The following CPQ variants were observed in gnomAD, a reference collection of about 807,000 sequenced individuals.
CPQ encodes the protein carboxypeptidase Q, also known as Ser-Met dipeptidase.
In CPQ, 37 loss-of-function variants were observed where a neutral mutation model predicts 45.7. The ratio of observed to expected loss-of-function variants is 0.81; its 90% CI spans 0.62 to 1.07. CPQ has a LOEUF of 1.07. Ranked by LOEUF, CPQ falls within the 50% of genes least tolerant of loss-of-function variation. The pLI is 0.00. For missense variants in CPQ, 537 were observed against 572.9 expected (o/e 0.94, Z 0.64); for synonymous variants, 186 against 205.8 (o/e 0.90, Z 0.82).
At chr8:96,880,546 T>TC (rs1563519759) in intron 4 of CPQ, among the ~76,000 whole-genome samples, 1 of 24,136 alleles carries the variant, frequency 4.1e-5, no homozygotes, top group South Asian at 1.9e-3. Context: ...TATATATATA[T>TC]ATATATATAT....
At position 97,026,372 on chromosome 8, in the gene CPQ, G is replaced by A. The variant is rs183230885; in HGVS notation, c.962-3031G>A. Among the ~76,000 whole-genome samples the A allele has an allele frequency of 8.5e-5, 13 of 152,264 alleles. No individual in the cohort carries two copies. In the East Asian group the frequency reaches 2.1e-3, roughly 25 times the overall value. On this transcript the variant is annotated intron_variant, in intron 5 of 7. Coordinates refer to ENST00000220763, the MANE Select transcript of CPQ (RefSeq NM_016134.4). Reference sequence around the variant, plus strand: ...GTATTATAATTAATCTAATCTCACAGAGCCAGAAGTGGCAGAGCCAGGAGT... The same window carrying A: ...GTATTATAATTAATCTAATCTCACAAAGCCAGAAGTGGCAGAGCCAGGAGT...
At chr8:96,920,604 C>T (rs1424394535) in intron 4 of CPQ, among the ~76,000 whole-genome samples, 1 of 151,994 alleles carries the variant, frequency 6.6e-6, no homozygotes, top group African/African-American at 2.4e-5. Flanking sequence ...TCACACATAC[C>T]CTAACCCCTA....
Position 96,879,822 on chromosome 8 carries a change from C to T in CPQ, c.666C>T (p.Tyr222=), listed in dbSNP as rs575515198. 6.2e-7 allele frequency: 1 copy of T among 1,613,964 alleles called. No individual in the cohort carries two copies. Among genetic ancestry groups the T allele is most frequent in the African/African-American group, 1.3e-5 (1 of 75,022 alleles). ...IYSPHTGIQE[Y]QDGVPKIPTA... The stretch of plus-strand genomic sequence containing the variant: ...GTCCTCACACAGGTATTCAGGAATA[C>T]CAGGATGGCGTGCCCAAGATTCCAA... The change falls in exon 4 of 8, where the codon TAC becomes TAT. Residue 222 remains tyrosine (Y), a synonymous_variant. Transcript: ENST00000220763.
At chr8:96,661,973 G>A (rs1815706585) in intron 1 of CPQ, among the ~76,000 whole-genome samples, 1 of 152,064 alleles carries the variant, frequency 6.6e-6, no homozygotes, top group African/African-American at 2.4e-5. Flanking sequence ...TTATGGTTTT[G>A]GGCCATTCTG....
At chr8:97,016,042 G>A (rs1368560954) in intron 5 of CPQ, among the ~76,000 whole-genome samples, 2 of 151,768 alleles carry the variant, frequency 1.3e-5, no homozygotes, top group African/African-American at 2.4e-5. Context: ...AAAAAGATAT[G>A]TTGCTATATA....
intron 4 of CPQ, among the ~76,000 whole-genome samples, chr8:96,945,505 T>C (rs1813178047): frequency 1.3e-5 from 2 of 152,126 alleles, no homozygotes; most frequent in African/African-American, 4.8e-5. Flanking sequence ...ATCTAATCTA[T>C]CTAATCAGGA....
At chr8:96,767,199 A>T (rs1170876470) in intron 1 of CPQ, among the ~76,000 whole-genome samples, 4 of 152,180 alleles carry the variant, frequency 2.6e-5, no homozygotes, top group African/African-American at 9.7e-5. Context: ...CACTACGTTT[A>T]GGAAGTAGGA....
intron 1 of CPQ, among the ~76,000 whole-genome samples, chr8:96,772,979 T>G (rs1363833145): frequency 1.3e-5 from 2 of 152,170 alleles, no homozygotes; most frequent in South Asian, 2.1e-4. Flanking sequence ...CACCCCATTT[T>G]TAAATATAAA....
At chr8:96,865,924 C>G (rs1811990918) in intron 3 of CPQ, among the ~76,000 whole-genome samples, 1 of 151,892 alleles carries the variant, frequency 6.6e-6, no homozygotes, top group Non-Finnish European at 1.5e-5. Context: ...TAAACCATGC[C>G]TGTCTTAGGG....
chr8:97,095,898 A>G (rs1296886942), intron 7 of CPQ, among the ~76,000 whole-genome samples: 2 of 152,226 alleles, frequency 1.3e-5, no homozygotes, highest in Middle Eastern at 3.4e-3. Flanking sequence ...ATACTATATC[A>G]TAGTTGGCTA....
intron 1 of CPQ, among the ~76,000 whole-genome samples, chr8:96,661,219 T>C (rs1815697822): frequency 6.6e-6 from 1 of 152,194 alleles, no homozygotes; most frequent in Non-Finnish European, 1.5e-5. Context: ...TTTACTTTTT[T>C]TTGAAAAGCA....
chr8:97,068,219 T>C (rs1057277351), intron 7 of CPQ, among the ~76,000 whole-genome samples: 3 of 152,226 alleles, frequency 2.0e-5, no homozygotes, highest in Non-Finnish European at 2.9e-5. Flanking sequence ...GTTAATTTGA[T>C]TCTTTTCACC....
At chr8:96,780,211 A>T (rs888950637) in intron 1 of CPQ, among the ~76,000 whole-genome samples, 2 of 152,206 alleles carry the variant, frequency 1.3e-5, no homozygotes, top group Non-Finnish European at 2.9e-5. Context: ...AGCTGATAGC[A>T]TAGTTAATTA....
chr8:97,126,399 T>C (rs888854747), intron 7 of CPQ, among the ~76,000 whole-genome samples: 2 of 152,218 alleles, frequency 1.3e-5, no homozygotes, highest in Non-Finnish European at 2.9e-5. Flanking sequence ...GTCTTTTTTG[T>C]TATCAGGCAT....
At chr8:96,877,409 T>C (rs1454197717) in intron 3 of CPQ, among the ~76,000 whole-genome samples, 1 of 152,182 alleles carries the variant, frequency 6.6e-6, no homozygotes, top group Non-Finnish European at 1.5e-5. Flanking sequence ...GAAACACTAC[T>C]TAAAAGAGCC....
At chr8:96,761,930 G>A (rs1294892416) in intron 1 of CPQ, among the ~76,000 whole-genome samples, 1 of 152,124 alleles carries the variant, frequency 6.6e-6, no homozygotes, top group Non-Finnish European at 1.5e-5. Flanking sequence ...TAACTAGCTT[G>A]CTTTGGCCTT....
intron 4 of CPQ, among the ~76,000 whole-genome samples, chr8:96,955,231 C>G (rs891118611): frequency 7.2e-5 from 11 of 152,150 alleles, no homozygotes; most frequent in Non-Finnish European, 1.3e-4. Context: ...AAAAGTGTTC[C>G]TCTTTCTCCA....
In CPQ at chr8:96,785,259, T is replaced by C; in HGVS notation, c.362T>C (p.Val121Ala). Residue 121 changes from valine (V) to alanine (A), a missense_variant, in exon 2 of 8, where the codon GTG (valine) becomes GCG (alanine). Val to Ala is a moderately conservative substitution (Grantham distance 64, BLOSUM62 0). Transcript: ENST00000220763. ...TGGGAGAGGGGAGAAGAATCAGCTG[T>C]GATGCTGGAGCCAAGAATTCATAAG... ...PHWERGEESA[V>A]MLEPRIHKIA... is the part of the protein sequence containing the mutation. 1 of 1,613,526 alleles carries C rather than the reference T, an allele frequency of 6.2e-7. No individual in the cohort carries two copies. The highest frequency in any genetic ancestry group is 8.5e-7 in the Non-Finnish European group (1 of 1,179,702).
intron 6 of CPQ, among the ~76,000 whole-genome samples, chr8:97,054,022 A>G (rs987194081): frequency 1.3e-5 from 2 of 152,056 alleles, no homozygotes; most frequent in African/African-American, 4.8e-5. Context: ...AAAGGGGGAG[A>G]TAAGGAGTAT....
Sources: gnomAD v4.1 joint callset for allele counts (sites outside exome capture counted in the v4.1 genomes callset) on GRCh38, gnomAD v4.1.1 for gene constraint, MANE v1.5 for transcripts, NCBI Gene and HGNC (gene_info 2026-07-23, HGNC 2026-07-21) for gene names.